Variants in GRHL1 observed in about 807,000 individuals in gnomAD.
GRHL1 encodes the protein grainyhead-like protein 1 homolog.
GRHL1 carries 38 observed loss-of-function variants against 75.7 expected under a neutral mutation model. The ratio of observed to expected loss-of-function variants is 0.50; its 90% CI spans 0.39 to 0.66. The LOEUF is 0.66. GRHL1 is among the 30% of genes least tolerant of loss of function. The pLI, the probability that GRHL1 is intolerant of heterozygous loss-of-function variation, is 0.00. For missense variants in GRHL1, 589 were observed against 767.5 expected (o/e 0.77, Z 2.75); for synonymous variants, 266 against 279.4 (o/e 0.95, Z 0.48).
At chr2:9,998,853 CATAT>C (rs554097850) in intron 14 of GRHL1, 108 bp from the exon 15 acceptor site, 1 of 138,856 alleles carries the variant, frequency 7.2e-6, no homozygotes, top group Non-Finnish European at 1.2e-5. Flanking sequence ...TATATGTACA[CATAT>C]ATATACGTAT....
At chr2:9,993,394 G>A (rs896850226) in intron 12 of GRHL1, 150 bp downstream of exon 12, 13 of 668,796 alleles carry the variant, frequency 1.9e-5, no homozygotes, top group Non-Finnish European at 3.2e-5. Context: ...CCTGAATATC[G>A]TGGTATATAT....
At chr2:9,980,388 T>A (rs1166405736) in intron 8 of GRHL1, among the ~76,000 whole-genome samples, 2 of 151,502 alleles carry the variant, frequency 1.3e-5, no homozygotes, top group Non-Finnish European at 2.9e-5. Flanking sequence ...TATTTTGTTT[T>A]CCTCTCATTT....
chr2:9,997,395 G>C (rs1010457093), intron 14 of GRHL1, among the ~76,000 whole-genome samples: 1 of 152,140 alleles, frequency 6.6e-6, no homozygotes, highest in African/African-American at 2.4e-5. Context: ...CCAAGTCCAC[G>C]GGTGTCACTC....
In GRHL1 at chr2:9,962,490, T is replaced by C. The variant is rs1667319836; in HGVS notation, c.705T>C (p.Pro235=). ...CCTCGGATCTCAGTCTGCGGATGCC[T>C]GGCATGAATTCAGAGGACTATGTTT... ...FFPSDLSLRM[P]GMNSEDYVFD... is the part of the protein sequence containing the mutation. Residue 235 remains proline, a synonymous_variant, in exon 5 of 16, where the codon CCT becomes CCC. Coordinates refer to ENST00000324907, the MANE Select transcript of GRHL1 (RefSeq NM_198182.3). 2.5e-6 allele frequency: 4 copies of C among 1,603,906 alleles called. No homozygotes were observed. The highest frequency in any genetic ancestry group is 1.6e-4 in the Middle Eastern group (1 of 6,066).
At chr2:9,988,696 GC>G (rs1668523567) in intron 9 of GRHL1, among the ~76,000 whole-genome samples, 1 of 152,126 alleles carries the variant, frequency 6.6e-6, no homozygotes, top group Non-Finnish European at 1.5e-5. Context: ...GAAGGCAGCA[GC>G]CAGCATGGTT....
intron 13 of GRHL1, 40 bp from the exon 14 acceptor site, chr2:9,996,276 T>C (rs758155680): frequency 4.4e-5 from 63 of 1,424,030 alleles, no homozygotes; most frequent in Non-Finnish European, 5.6e-5. Flanking sequence ...CTTTTTTTCC[T>C]CTCTTTTCCC....
intron 8 of GRHL1, among the ~76,000 whole-genome samples, chr2:9,970,284 A>G (rs964812063): frequency 2.6e-5 from 4 of 152,260 alleles, no homozygotes; most frequent in African/African-American, 7.2e-5. Flanking sequence ...AAAATAGTTA[A>G]CAGCAAGAAC....
At chr2:9,980,614 C>G (rs1668157430) in intron 8 of GRHL1, among the ~76,000 whole-genome samples, 1 of 152,148 alleles carries the variant, frequency 6.6e-6, no homozygotes, top group African/African-American at 2.4e-5. Context: ...ATAGTAGTTG[C>G]TCATCTTTTG....
At position 9,962,585 on chromosome 2, in the gene GRHL1, C is replaced by G. The variant is rs1464412065; in HGVS notation, c.746+54C>G. 5.1e-6 allele frequency: 5 copies of G among 979,258 alleles called. No individual in the cohort carries two copies. In the Admixed American group the frequency reaches 9.0e-5, roughly 18 times the overall value. 60.7% of individuals were successfully genotyped at this position (979,258 alleles called of 1,614,324 possible). ...AATTTGCAGCTTTTATAACTTATTC[C>G]TTTCTTGTTAACTTGATAAATCAAA... On this transcript the variant is annotated intron_variant, in intron 5 of 15. Coordinates refer to ENST00000324907, the MANE Select transcript of GRHL1 (RefSeq NM_198182.3).
intron 8 of GRHL1, among the ~76,000 whole-genome samples, chr2:9,967,908 A>G (rs7575106): frequency 0.071 from 10,841 of 152,152 alleles, 440 homozygotes; most frequent in Middle Eastern, 0.099. Flanking sequence ...TACTTGGCAC[A>G]TAATAATTGT....
chr2:10,002,146 G>A lies in GRHL1; in HGVS notation c.*1439G>A, dbSNP rs1669292397. 6.6e-6 allele frequency: 1 copy of A among 152,598 alleles called. No individual in the cohort carries two copies. Among genetic ancestry groups the A allele is most frequent in the Admixed American group, 6.5e-5 (1 of 15,282 alleles). 9.5% of individuals were successfully genotyped at this position (152,598 alleles called of 1,614,324 possible). The stretch of plus-strand genomic sequence containing the variant: ...CTAAATTGCTGGTTTTCTAAGATAA[G>A]ATATGGGATATGGGTCATATAACTT... On this transcript the variant is annotated 3_prime_UTR_variant, in exon 16 of 16. Transcript: ENST00000324907.
intron 8 of GRHL1, among the ~76,000 whole-genome samples, chr2:9,979,116 C>T (rs1346178976): frequency 4.0e-5 from 5 of 126,504 alleles, no homozygotes; most frequent in African/African-American, 1.2e-4. Context: ...GCCGAGATCG[C>T]GCCACTGCAT....
intron 8 of GRHL1, among the ~76,000 whole-genome samples, chr2:9,984,246 C>A (rs1293210285): frequency 6.6e-6 from 1 of 152,164 alleles, no homozygotes; most frequent in East Asian, 1.9e-4. Flanking sequence ...GCCAGTGACA[C>A]CCAGTGCTGC....
intron 2 of GRHL1, among the ~76,000 whole-genome samples, chr2:9,955,459 G>A (rs1666973217): frequency 6.6e-6 from 1 of 152,174 alleles, no homozygotes; most frequent in Non-Finnish European, 1.5e-5. Context: ...CTTTGTTCCT[G>A]GGTAGTCAGG....
At position 9,992,624 on chromosome 2, in the gene GRHL1, A is replaced by T. The variant is rs1572387103; in HGVS notation, c.1461+478A>T. Among the ~76,000 whole-genome samples, 1 of 152,356 alleles carries T rather than the reference A, an allele frequency of 6.6e-6. No individual in the cohort carries two copies. Among genetic ancestry groups the T allele is most frequent in the East Asian group, 1.9e-4 (1 of 5,190 alleles). On this transcript the variant is annotated intron_variant, in intron 11 of 15. Transcript: ENST00000324907. This position sits in a 1 kb window ranked among gnomAD's most constrained non-coding sequence, Gnocchi z 4.6. The stretch of plus-strand genomic sequence containing the variant: ...TGGCAACTAAAACTAAATTTTAAAA[A>T]ATGGTCACGCCCTGTTTTGTGGCAA...
In GRHL1 at chr2:9,958,773, G is replaced by A. The variant is rs1031894088; in HGVS notation, c.208-13G>A. 12 of 1,606,616 alleles carry A rather than the reference G, an allele frequency of 7.5e-6. No homozygotes were observed. Among genetic ancestry groups the A allele is most frequent in the African/African-American group, 5.3e-5 (4 of 74,798 alleles). On this transcript the variant is annotated splice_polypyrimidine_tract_variant and intron_variant, in intron 2 of 15. Coordinates refer to ENST00000324907, the MANE Select transcript of GRHL1 (RefSeq NM_198182.3). ...GATAAGAGCTAAATTCTTTTCATGT[G>A]TGCTAATATCAGGTTCCAAGAGAGA...
intron 8 of GRHL1, among the ~76,000 whole-genome samples, chr2:9,976,469 G>A (rs1572361415): frequency 6.6e-6 from 1 of 152,208 alleles, no homozygotes; most frequent in African/African-American, 2.4e-5. Context: ...CATGGGGTCT[G>A]TGGACCAAGG....
At chr2:9,986,310 A>C in intron 9 of GRHL1, 28 bp downstream of exon 9, 1 of 1,587,994 alleles carries the variant, frequency 6.3e-7, no homozygotes, top group Non-Finnish European at 8.6e-7. Flanking sequence ...GCTTGGAACA[A>C]GTGTTTGAGA....
intron 8 of GRHL1, among the ~76,000 whole-genome samples, chr2:9,972,962 G>A (rs1194458645): frequency 6.6e-6 from 1 of 152,176 alleles, no homozygotes; most frequent in African/African-American, 2.4e-5. Flanking sequence ...GGCGGTGTGG[G>A]AAGGTGGTGC....
Sources: gnomAD v4.1 joint callset for allele counts (sites outside exome capture counted in the v4.1 genomes callset) on GRCh38, gnomAD v4.1.1 for gene constraint, Gnocchi (gnomAD v3.1) non-coding constraint, MANE v1.5 for transcripts, NCBI Gene and HGNC (gene_info 2026-07-23, HGNC 2026-07-21) for gene names.